MALRD1: variants seen among roughly 807,000 people sequenced by gnomAD.
The protein encoded by MALRD1 is MAM and LDL receptor class A domain containing 1, also known as MAM and LDL-receptor class A domain-containing protein 1.
Under a neutral mutation model 242.1 loss-of-function variants are expected in MALRD1, and 247 were observed. The observed-to-expected ratio is 1.02, with a 90% CI of 0.92 to 1.13. The LOEUF (loss-of-function observed/expected upper bound fraction) is 1.13, where lower values mean the gene tolerates loss of function less well. Among genes scored for constraint, MALRD1 ranks in the 50% most tolerant of loss-of-function variants. The pLI, the probability that MALRD1 is intolerant of heterozygous loss-of-function variation, is 0.00. For missense variants in MALRD1, 2,989 were observed against 2,533.1 expected (o/e 1.18, Z -3.86); for synonymous variants, 995 against 866.6 (o/e 1.15, Z -2.60).
chr10:19,362,111 G>A (rs910649872), intron 26 of MALRD1, among the ~76,000 whole-genome samples: 3 of 152,044 alleles, frequency 2.0e-5, no homozygotes. Context: ...GGCTATCATA[G>A]CAATACTCTG....
chr10:19,144,249 C>T (rs1171270542), intron 10 of MALRD1, among the ~76,000 whole-genome samples: 1 of 152,100 alleles, frequency 6.6e-6, no homozygotes, highest in Non-Finnish European at 1.5e-5. Flanking sequence ...AACTTGAGCC[C>T]TGGGGAAAAG....
chr10:19,315,029 A>G (rs923247667), intron 21 of MALRD1, among the ~76,000 whole-genome samples: 5 of 143,094 alleles, frequency 3.5e-5, no homozygotes, highest in African/African-American at 1.0e-4. Context: ...ATATATAAAT[A>G]TAATTTATAT....
chr10:19,593,973 A>G (rs1385788658), intron 33 of MALRD1, among the ~76,000 whole-genome samples: 2 of 152,210 alleles, frequency 1.3e-5, no homozygotes, highest in Non-Finnish European at 1.5e-5. Context: ...TGTAACCAAG[A>G]TTCAAGGACA....
At chr10:19,164,780 A>G (rs1256732330) in intron 12 of MALRD1, among the ~76,000 whole-genome samples, 1 of 152,194 alleles carries the variant, frequency 6.6e-6, no homozygotes, top group Admixed American at 6.5e-5. Context: ...AGCACCTGGC[A>G]TAATCCTCTC....
intron 29 of MALRD1, among the ~76,000 whole-genome samples, chr10:19,464,164 TG>T (rs1196314420): frequency 6.6e-6 from 1 of 152,238 alleles, no homozygotes; most frequent in African/African-American, 2.4e-5. Flanking sequence ...TTCTGTAGGT[TG>T]TCTGTTTACT....
chr10:19,272,931 T>C (rs758884020), intron 19 of MALRD1, among the ~76,000 whole-genome samples: 3 of 152,202 alleles, frequency 2.0e-5, no homozygotes, highest in African/African-American at 2.4e-5. Flanking sequence ...CAGTCTATCA[T>C]TGATGGACAT....
At chr10:19,376,502 TGGA>T (rs1197237230) in intron 26 of MALRD1, among the ~76,000 whole-genome samples, 3 of 149,660 alleles carry the variant, frequency 2.0e-5, no homozygotes, top group Admixed American at 1.3e-4. Flanking sequence ...GAACAAACAA[TGGA>T]GGAAAAAATG....
intron 9 of MALRD1, among the ~76,000 whole-genome samples, chr10:19,135,603 A>C (rs1029782573): frequency 3.3e-5 from 5 of 152,206 alleles, no homozygotes; most frequent in African/African-American, 1.2e-4. Flanking sequence ...GAAATGCTTT[A>C]TATCTGATGT....
intron 19 of MALRD1, among the ~76,000 whole-genome samples, chr10:19,267,979 T>A (rs1840036378): frequency 6.6e-6 from 1 of 152,046 alleles, no homozygotes; most frequent in African/African-American, 2.4e-5. Flanking sequence ...TCTTAGAAAA[T>A]AAAATTGAAC....
At chr10:19,278,224 C>T (rs1840630396) in intron 19 of MALRD1, among the ~76,000 whole-genome samples, 1 of 152,132 alleles carries the variant, frequency 6.6e-6, no homozygotes, top group South Asian at 2.1e-4. Flanking sequence ...TATTTCCATG[C>T]ATTCACACAA....
chr10:19,387,355 G>C (rs1239786099), intron 26 of MALRD1, among the ~76,000 whole-genome samples, 173 bp from the exon 27 acceptor site: 1 of 150,252 alleles, frequency 6.7e-6, no homozygotes, highest in African/African-American at 2.5e-5. Context: ...GCCTCTATAG[G>C]TTAGAGCTCT....
chr10:19,375,738 A>G (rs953788055), intron 26 of MALRD1, among the ~76,000 whole-genome samples: 5 of 152,220 alleles, frequency 3.3e-5, no homozygotes, highest in Middle Eastern at 3.2e-3. Context: ...AAACTCAACC[A>G]CGATGAAATT....
At chr10:19,617,636 A>G (rs912107008) in intron 36 of MALRD1, among the ~76,000 whole-genome samples, 2 of 151,836 alleles carry the variant, frequency 1.3e-5, no homozygotes, top group African/African-American at 2.4e-5. Flanking sequence ...AAAAAGTAGA[A>G]CTCTTGACAC....
At chr10:19,270,807 A>C (rs199994871) in intron 19 of MALRD1, among the ~76,000 whole-genome samples, 39 of 145,052 alleles carry the variant, frequency 2.7e-4, no homozygotes, top group African/African-American at 9.5e-4. Context: ...TTCAAAGGAT[A>C]ACACACACAC....
rs565396713 is a variant in MALRD1 at position 19,389,413 on chromosome 10, G to A, written c.4688-39G>A. The A allele has an allele frequency of 3.3e-5, 51 of 1,539,698 alleles. No homozygotes were observed. In the East Asian group the frequency reaches 1.1e-3, roughly 33 times the overall value. ...GAAATGCAAAAATAATCCCATCATTGTTATTTCGTTCTTCTCTGAATTCTG... is the reference window on the plus strand; with the variant it reads ...GAAATGCAAAAATAATCCCATCATTATTATTTCGTTCTTCTCTGAATTCTG... On this transcript the variant is annotated intron_variant, in intron 27 of 39. Coordinates refer to ENST00000454679, the MANE Select transcript of MALRD1 (RefSeq NM_001142308.3).
At chr10:19,561,981 A>G (rs1177669801) in intron 32 of MALRD1, among the ~76,000 whole-genome samples, 1 of 152,128 alleles carries the variant, frequency 6.6e-6, no homozygotes, top group Non-Finnish European at 1.5e-5. Flanking sequence ...AACAGAAGGG[A>G]ATGTTCCTCT....
intron 18 of MALRD1, among the ~76,000 whole-genome samples, chr10:19,239,709 C>T (rs1427321113): frequency 2.0e-5 from 3 of 151,950 alleles, no homozygotes; most frequent in African/African-American, 7.3e-5. Context: ...TTTCATTATC[C>T]CACATGTAGA....
chr10:19,596,033 G>C (rs1838081580), intron 34 of MALRD1, among the ~76,000 whole-genome samples: 1 of 152,150 alleles, frequency 6.6e-6, no homozygotes. Flanking sequence ...TTATTTAAGT[G>C]CTGCCAATTT....
In MALRD1 at chr10:19,093,892, G is replaced by T. The variant is rs976385835; in HGVS notation, c.597+5707G>T. ...GCCCCTGCTGGGGGGGTGCCTCCCA[G>T]TTAGGCTGCTCGGGGGTCAGGGGTC... On this transcript the variant is annotated intron_variant, in intron 4 of 39. Transcript: ENST00000454679. Among the ~76,000 whole-genome samples the T allele has an allele frequency of 8.2e-5, 8 of 97,876 alleles. 2 individuals are homozygous for T. The Admixed American group carries it at 9.0e-4, about 11-fold the overall frequency. 64.2% of individuals were successfully genotyped at this position (97,876 alleles called of 152,430 possible). A position where few individuals can be genotyped will look rare whatever the true frequency, so the allele number is the denominator to read the frequency against.
Sources: allele counts gnomAD v4.1 joint callset (sites outside exome capture counted in the v4.1 genomes callset), GRCh38; gene constraint gnomAD v4.1.1; transcripts MANE v1.5; gene names NCBI Gene and HGNC (gene_info 2026-07-23, HGNC 2026-07-21).